CLOCK: variants seen among roughly 807,000 people sequenced by gnomAD.
CLOCK encodes clock circadian regulator, also known as circadian locomoter output cycles protein kaput.
A neutral mutation model predicts 118.4 loss-of-function variants in CLOCK; 43 were observed. The ratio of observed to expected loss-of-function variants is 0.36; its 90% CI spans 0.28 to 0.47. CLOCK has a LOEUF of 0.47. CLOCK is among the 20% of genes least tolerant of loss of function. The pLI is 1.00. For missense variants in CLOCK, 846 were observed against 999.9 expected (o/e 0.85, Z 2.08); for synonymous variants, 326 against 339.2 (o/e 0.96, Z 0.43).
chr4:55,472,456 T>A (rs973824889), intron 7 of CLOCK, among the ~76,000 whole-genome samples: 1 of 152,170 alleles, frequency 6.6e-6, no homozygotes, highest in Non-Finnish European at 1.5e-5. Flanking sequence ...GGAGAAGAAG[T>A]AGAAGATACA....
intron 22 of CLOCK, among the ~76,000 whole-genome samples, chr4:55,436,958 GA>G (rs1456978960): frequency 7.7e-6 from 1 of 130,714 alleles, no homozygotes; most frequent in Non-Finnish European, 1.6e-5. Context: ...GACATACTTA[GA>G]AGACTGAGAT....
At chr4:55,485,484 G>A (rs1471908048) in intron 3 of CLOCK, among the ~76,000 whole-genome samples, 4 of 152,102 alleles carry the variant, frequency 2.6e-5, no homozygotes, top group Non-Finnish European at 1.5e-5. Flanking sequence ...GCAGACTACT[G>A]CAAGTCCCAC....
chr4:55,456,539 G>A (rs955858213), intron 11 of CLOCK, among the ~76,000 whole-genome samples: 1 of 152,054 alleles, frequency 6.6e-6, no homozygotes. Context: ...GCGGGCACCT[G>A]TAATCCCAGC....
intron 1 of CLOCK, among the ~76,000 whole-genome samples, chr4:55,526,422 C>T (rs900971605): frequency 2.0e-5 from 3 of 152,164 alleles, no homozygotes; most frequent in African/African-American, 7.2e-5. Flanking sequence ...CTGGGACAAC[C>T]ACATATCATG....
chr4:55,470,927 T>C, intron 7 of CLOCK, 121 bp from the exon 8 acceptor site: 1 of 699,480 alleles, frequency 1.4e-6, no homozygotes, highest in Non-Finnish European at 2.5e-6. Context: ...TCTGTCAAAA[T>C]ATAATACTAG....
intron 18 of CLOCK, among the ~76,000 whole-genome samples, chr4:55,445,097 G>A (rs1414776021): frequency 1.5e-5 from 2 of 132,018 alleles, no homozygotes; most frequent in Non-Finnish European, 3.4e-5. Context: ...GGGTGCCAAC[G>A]GGAAGCTTTT....
chr4:55,517,556 A>T (rs1487773614), intron 1 of CLOCK, among the ~76,000 whole-genome samples: 1 of 152,194 alleles, frequency 6.6e-6, no homozygotes, highest in Non-Finnish European at 1.5e-5. Context: ...CTATTTGCTA[A>T]TATTTTGTTA....
intron 2 of CLOCK, among the ~76,000 whole-genome samples, chr4:55,505,305 A>G (rs1227715321): frequency 2.6e-5 from 4 of 152,182 alleles, no homozygotes; most frequent in Admixed American, 6.5e-5. Flanking sequence ...AAAGGGGACT[A>G]TATTTTTTAA....
At chr4:55,472,001 G>A (rs1726176102) in intron 7 of CLOCK, among the ~76,000 whole-genome samples, 1 of 152,160 alleles carries the variant, frequency 6.6e-6, no homozygotes, top group African/African-American at 2.4e-5. Context: ...AGCCCAGGAA[G>A]TTGAGGCTGC....
chr4:55,443,848 G>C lies in CLOCK; in HGVS notation c.1741C>G (p.Leu581Val). ...NPGLNFGSVQ[L>V]SSGNSSNIQQ... ...ATATTAGATGAATTTCCAGAAGAAA[G>C]TTGAACGGAACCAAAATTCAACCCA... The change falls in exon 20 of 23, where the codon CTT becomes GTT. Residue 581 changes from leucine to valine, a missense_variant. Leu to Val is a conservative substitution (Grantham distance 32). Around this residue, in one of 4 missense-constraint regions of CLOCK, gnomAD observed 520 missense variants for 558.0 expected, o/e 0.93. Coordinates refer to ENST00000513440, the MANE Select transcript of CLOCK (RefSeq NM_004898.4). 6.2e-7 allele frequency: 1 copy of C among 1,613,582 alleles called. No homozygotes were observed.
intron 18 of CLOCK, among the ~76,000 whole-genome samples, chr4:55,446,002 G>T (rs1365967726): frequency 6.6e-6 from 1 of 151,710 alleles, no homozygotes; most frequent in Non-Finnish European, 1.5e-5. Flanking sequence ...GTATGCTTCT[G>T]GCTTCTGACT....
intron 1 of CLOCK, among the ~76,000 whole-genome samples, chr4:55,525,995 T>C (rs1730160578): frequency 6.6e-6 from 1 of 152,134 alleles, no homozygotes; most frequent in Non-Finnish European, 1.5e-5. Context: ...CTCCAAAATA[T>C]GAAACTTTTT....
chr4:55,488,614 T>C (rs1727468005), intron 3 of CLOCK, among the ~76,000 whole-genome samples: 1 of 152,172 alleles, frequency 6.6e-6, no homozygotes, highest in Admixed American at 6.5e-5. Context: ...ATAAAGCTCT[T>C]CTCTCAGATC....
chr4:55,438,137 A>G, intron 22 of CLOCK, 145 bp downstream of exon 22: 3 of 1,123,982 alleles, frequency 2.7e-6, no homozygotes, highest in South Asian at 1.6e-5. Flanking sequence ...CAACCAGAAC[A>G]AGCTTTCTAT....
rs962185794 is a variant in CLOCK, at chr4:55,430,240, A to C, written c.*5175T>G. On this transcript the variant is annotated 3_prime_UTR_variant, in exon 23 of 23. Coordinates refer to ENST00000513440, the MANE Select transcript of CLOCK (RefSeq NM_004898.4). ...TGGTGGTGGTGATGGAATTTCACTT[A>C]GTTGTCTCTCCATAAACTATATCCT... 6.6e-6 allele frequency: 1 copy of C among 152,140 alleles called. No homozygotes were observed. Among genetic ancestry groups the C allele is most frequent in the African/African-American group, 2.4e-5 (1 of 41,420 alleles). 9.4% of individuals were successfully genotyped at this position (152,140 alleles called of 1,614,324 possible).
chr4:55,518,076 A>G (rs1238067675), intron 1 of CLOCK, among the ~76,000 whole-genome samples: 1 of 152,126 alleles, frequency 6.6e-6, no homozygotes, highest in East Asian at 1.9e-4. Context: ...AACATAAAAT[A>G]TATTTCTTAC....
At chr4:55,467,790 T>G (rs1725834328) in intron 8 of CLOCK, among the ~76,000 whole-genome samples, 1 of 95,322 alleles carries the variant, frequency 1.0e-5, no homozygotes, top group East Asian at 3.7e-4. Flanking sequence ...TATGCATTGC[T>G]AATATCTCAT....
In CLOCK at chr4:55,435,465, G is replaced by A. The variant is rs367673264; in HGVS notation, c.2491C>T (p.Arg831Trp). The part of the protein sequence containing the change: ...HQSQQQQQLS[R>W]HRTDSLPDPS... ...TCGGGCAAGCTGTCAGTCCTGTGCC[G>A]GCTGAGTTGCTGCTGTTGCTGAGAC... is the stretch of plus-strand genomic sequence containing the variant. Residue 831 changes from arginine (R) to tryptophan (W), a missense_variant, in exon 23 of 23, where the codon CGG becomes TGG. By Grantham distance (101) the Arg-to-Trp change is moderately radical. Coordinates refer to ENST00000513440, the MANE Select transcript of CLOCK (RefSeq NM_004898.4). 45 of 1,613,896 alleles carry A rather than the reference G, an allele frequency of 2.8e-5. No homozygotes were observed. The highest frequency in any genetic ancestry group is 1.6e-4 in the Middle Eastern group (1 of 6,080).
At chr4:55,492,491 AAAT>A (rs1031432753) in intron 2 of CLOCK, among the ~76,000 whole-genome samples, 66 of 152,334 alleles carry the variant, frequency 4.3e-4, no homozygotes, top group African/African-American at 1.6e-3. Flanking sequence ...TCACTTTGAG[AAAT>A]AATAAAATAA....
Sources: allele counts gnomAD v4.1 joint callset (sites outside exome capture counted in the v4.1 genomes callset), GRCh38; gene constraint gnomAD v4.1.1; regional missense constraint gnomAD v4.1.1; transcripts MANE v1.5; gene names NCBI Gene and HGNC (gene_info 2026-07-23, HGNC 2026-07-21).